GAPVD1: variants seen among roughly 807,000 people sequenced by gnomAD.
GAPVD1 encodes the protein GTPase activating protein and VPS9 domains 1.
GAPVD1 carries 35 observed loss-of-function variants against 155.5 expected under a neutral mutation model. The ratio of observed to expected loss-of-function variants is 0.23; its 90% CI spans 0.17 to 0.30. The LOEUF (loss-of-function observed/expected upper bound fraction) is 0.30, where lower values mean the gene tolerates loss of function less well. Among genes scored for constraint, GAPVD1 ranks in the 10% least tolerant of loss-of-function variants. The pLI is 1.00. For synonymous variants in GAPVD1, 636 were observed against 619.7 expected, an observed-to-expected ratio of 1.03 and a Z score of -0.39; for missense variants, 1,429 against 1,775.7, an observed-to-expected ratio of 0.80 and a Z score of 3.51.
chr9:125,288,288 T>C (rs1047134937), intron 2 of GAPVD1, among the ~76,000 whole-genome samples: 1 of 151,946 alleles, frequency 6.6e-6, no homozygotes, highest in Admixed American at 6.6e-5. Context: ...ATTTTTGTAT[T>C]GTTAGTAGAG....
Position 125,337,103 on chromosome 9 carries a change from A to G in GAPVD1, c.2506+8A>G, listed in dbSNP as rs748916669. On this transcript the variant is annotated splice_region_variant and intron_variant, in intron 16 of 27. Transcript: ENST00000297933. ...CACTGTCTTCACATGAAGGTAAACC[A>G]GTGAAATGAACTTTTTCACTTATGT... is the stretch of plus-strand genomic sequence containing the variant. 2.8e-5 allele frequency: 45 copies of G among 1,608,060 alleles called. No individual in the cohort carries two copies. The Middle Eastern group carries it at 4.9e-4, about 18-fold the overall frequency.
intron 2 of GAPVD1, among the ~76,000 whole-genome samples, chr9:125,278,715 G>T (rs1836222547): frequency 6.6e-6 from 1 of 151,288 alleles, no homozygotes; most frequent in South Asian, 2.1e-4. Flanking sequence ...CATGCTTGTA[G>T]TCCCAGCTGC....
chr9:125,300,277 G>A (rs1274860609), intron 4 of GAPVD1, among the ~76,000 whole-genome samples: 1 of 148,854 alleles, frequency 6.7e-6, no homozygotes, highest in African/African-American at 2.5e-5. Context: ...TGCCTCCTGG[G>A]TTCAAGAGAT....
chr9:125,278,930 G>A (rs1836263010), intron 2 of GAPVD1, among the ~76,000 whole-genome samples: 1 of 152,030 alleles, frequency 6.6e-6, no homozygotes, highest in African/African-American at 2.4e-5. Flanking sequence ...TGGCAGTCAT[G>A]GCTGGGCACA....
Position 125,337,201 on chromosome 9 carries a change from CT to C in GAPVD1, c.2507-13del, listed in dbSNP as rs780679928. On this transcript the variant is annotated intron_variant, in intron 16 of 27. Coordinates refer to ENST00000297933, the MANE Select transcript of GAPVD1 (RefSeq NM_001282680.3). Reference sequence around the variant, plus strand: ...GATATGTTGTGTCTCAGTTACAAAACTTTTTTTCCTGTGTTGCAGGGGCTTC... The same window carrying C: ...GATATGTTGTGTCTCAGTTACAAAACTTTTTTCCTGTGTTGCAGGGGCTTC... The C allele has an allele frequency of 4.3e-6, 7 of 1,612,202 alleles. No individual in the cohort carries two copies. Among genetic ancestry groups the C allele is most frequent in the Admixed American group, 1.7e-5 (1 of 59,756 alleles).
At chr9:125,285,453 G>GTTTTTTTT (rs10659223) in intron 2 of GAPVD1, among the ~76,000 whole-genome samples, 7 of 94,680 alleles carry the variant, frequency 7.4e-5, no homozygotes, top group Admixed American at 1.3e-4. Context: ...TTTTTTCTTT[G>GTTTTTTTT]TTTTTTTTTT....
intron 19 of GAPVD1, among the ~76,000 whole-genome samples, chr9:125,343,421 A>G (rs966458222): frequency 1.3e-5 from 2 of 152,164 alleles, no homozygotes; most frequent in Non-Finnish European, 2.9e-5. Context: ...TAAAAATGGG[A>G]TAGATAATAG....
At chr9:125,285,527 G>A (rs1837535688) in intron 2 of GAPVD1, among the ~76,000 whole-genome samples, 1 of 135,572 alleles carries the variant, frequency 7.4e-6, no homozygotes, top group Admixed American at 8.5e-5. Flanking sequence ...GCCCGATCTC[G>A]GGTTCAAGTG....
In GAPVD1 at chr9:125,350,280, CT is replaced by C; in HGVS notation, c.3300-14del. ...CTGGATAAAGAAATTAATGTATTTT[CT>C]ACTCATTTTTCAGAGATGCAAAAAA... On this transcript the variant is annotated splice_polypyrimidine_tract_variant and intron_variant, in intron 21 of 27. Coordinates refer to ENST00000297933, the MANE Select transcript of GAPVD1 (RefSeq NM_001282680.3). 1 of 1,450,594 alleles carries C rather than the reference CT, an allele frequency of 6.9e-7. No individual in the cohort carries two copies. The highest frequency in any genetic ancestry group is 9.5e-7 in the Non-Finnish European group (1 of 1,052,514). 89.9% of individuals were successfully genotyped at this position (1,450,594 alleles called of 1,614,324 possible).
At chr9:125,275,817 A>G (rs997306022) in intron 2 of GAPVD1, among the ~76,000 whole-genome samples, 2 of 152,228 alleles carry the variant, frequency 1.3e-5, no homozygotes, top group African/African-American at 2.4e-5. Flanking sequence ...AATGATTTCA[A>G]GTTATATAAA....
At chr9:125,336,977 C>A (rs1847117329) in intron 15 of GAPVD1, 41 bp from the exon 16 acceptor site, 1 of 1,130,304 alleles carries the variant, frequency 8.8e-7, no homozygotes, top group Non-Finnish European at 1.4e-6. Flanking sequence ...ACCGTCTGTC[C>A]TGCGTCCTGG....
chr9:125,262,160 G>T (rs1206963579), intron 1 of GAPVD1, among the ~76,000 whole-genome samples: 1 of 152,148 alleles, frequency 6.6e-6, no homozygotes, highest in Admixed American at 6.5e-5. Context: ...GGAGAGATGT[G>T]GCGGCGCGCA....
chr9:125,338,381 A>G (rs1847333588), intron 17 of GAPVD1, among the ~76,000 whole-genome samples: 1 of 152,148 alleles, frequency 6.6e-6, no homozygotes, highest in Admixed American at 6.6e-5. Context: ...ACATTGATAC[A>G]TTACTACCAG....
intron 2 of GAPVD1, among the ~76,000 whole-genome samples, chr9:125,273,934 T>A (rs359596): frequency 0.033 from 5,001 of 151,350 alleles, 102 homozygotes; most frequent in African/African-American, 0.049. Flanking sequence ...TTCTTTTTTT[T>A]AAAAAAAAAT....
chr9:125,278,500 G>A (rs186050700), intron 2 of GAPVD1, among the ~76,000 whole-genome samples: 3 of 151,814 alleles, frequency 2.0e-5, no homozygotes, highest in Non-Finnish European at 2.9e-5. Flanking sequence ...CAGCCTGGGC[G>A]ACAGAGCGAG....
chr9:125,333,080 GT>G lies in GAPVD1; in HGVS notation c.2428+461del, dbSNP rs529247215. On this transcript the variant is annotated intron_variant, in intron 15 of 27. Transcript: ENST00000297933. ...TTACACACAAAATAATAAAACTTCT[GT>G]TTTTTTTTTGAGACGGAGTCTTGTG... Among the ~76,000 whole-genome samples the G allele has an allele frequency of 1.5e-4, 22 of 148,596 alleles. 1 individual carries two copies. The South Asian group carries it at 3.2e-3, about 22-fold the overall frequency.
chr9:125,326,298 A>G (rs1326105870), intron 11 of GAPVD1, 118 bp from the exon 12 acceptor site: 1 of 660,902 alleles, frequency 1.5e-6, no homozygotes, highest in African/African-American at 1.8e-5. Flanking sequence ...CGGGCGGATC[A>G]CCTGAGATTG....
At chr9:125,315,258 C>T (rs1344306295) in intron 9 of GAPVD1, among the ~76,000 whole-genome samples, 1 of 152,132 alleles carries the variant, frequency 6.6e-6, no homozygotes, top group Non-Finnish European at 1.5e-5. Context: ...AAACTCCATC[C>T]TCCACACACA....
intron 7 of GAPVD1, 39 bp from the exon 8 acceptor site, chr9:125,307,652 A>C: frequency 1.3e-6 from 2 of 1,589,450 alleles, no homozygotes; most frequent in Non-Finnish European, 1.7e-6. Context: ...TGTATTTGAA[A>C]AAGTGATTTC....
Sources: gnomAD v4.1 joint callset for allele counts (sites outside exome capture counted in the v4.1 genomes callset) on GRCh38, gnomAD v4.1.1 for gene constraint, MANE v1.5 for transcripts, NCBI Gene and HGNC (gene_info 2026-07-23, HGNC 2026-07-21) for gene names.